CORIN: variants seen among roughly 807,000 people sequenced by gnomAD.
CORIN encodes the protein corin, serine peptidase, also known as atrial natriuretic peptide-converting enzyme.
CORIN carries 117 observed loss-of-function variants against 125.3 expected under a neutral mutation model. The observed-to-expected ratio is 0.93, with a 90% CI of 0.80 to 1.09. The LOEUF (loss-of-function observed/expected upper bound fraction) is 1.09. CORIN is among the 50% of genes least tolerant of loss of function. CORIN has a pLI of 0.00. For missense variants in CORIN, 1,253 were observed against 1,306.7 expected (o/e 0.96, Z 0.63); for synonymous variants, 450 against 466.4 (o/e 0.96, Z 0.45).
At chr4:47,815,138 C>T (rs538660924) in intron 1 of CORIN, among the ~76,000 whole-genome samples, 6 of 152,084 alleles carry the variant, frequency 3.9e-5, no homozygotes, top group Non-Finnish European at 7.4e-5. Context: ...TGAAAATCTA[C>T]GTAACCTTAT....
chr4:47,807,198 A>T, intron 1 of CORIN, 151 bp from the exon 2 acceptor site: 1 of 578,934 alleles, frequency 1.7e-6, no homozygotes. Flanking sequence ...TCAACAAATC[A>T]TGCCAATAAA....
intron 3 of CORIN, among the ~76,000 whole-genome samples, chr4:47,772,705 A>G (rs1391455974): frequency 1.3e-5 from 2 of 152,312 alleles, no homozygotes; most frequent in Middle Eastern, 3.4e-3. Flanking sequence ...TAACTGTGTA[A>G]TAGGTTTATT....
intron 9 of CORIN, among the ~76,000 whole-genome samples, chr4:47,676,645 A>G (rs1725032799): frequency 6.6e-6 from 1 of 152,136 alleles, no homozygotes; most frequent in Non-Finnish European, 1.5e-5. Flanking sequence ...CACAATATAC[A>G]TTTTTTGAGT....
At chr4:47,629,074 C>T (rs1560479624) in intron 16 of CORIN, among the ~76,000 whole-genome samples, 4 of 152,106 alleles carry the variant, frequency 2.6e-5, no homozygotes. Flanking sequence ...ATTGATGGAT[C>T]ATATGGTAGG....
chr4:47,769,962 T>C (rs867299109), intron 3 of CORIN, among the ~76,000 whole-genome samples: 1 of 152,162 alleles, frequency 6.6e-6, no homozygotes, highest in African/African-American at 2.4e-5. Flanking sequence ...GTTAATAATT[T>C]TTTGAATATG....
chr4:47,770,145 T>G (rs1729956556), intron 3 of CORIN, among the ~76,000 whole-genome samples: 1 of 152,050 alleles, frequency 6.6e-6, no homozygotes, highest in Non-Finnish European at 1.5e-5. Context: ...ACAAAAGGAA[T>G]TTTATTTAGT....
chr4:47,651,554 A>T (rs970109999), intron 13 of CORIN, among the ~76,000 whole-genome samples: 1 of 152,236 alleles, frequency 6.6e-6, no homozygotes, highest in African/African-American at 2.4e-5. Context: ...CGAAGTATGT[A>T]AAGTTTTCTA....
chr4:47,627,449 G>T (rs964688499), intron 16 of CORIN, among the ~76,000 whole-genome samples: 1 of 152,084 alleles, frequency 6.6e-6, no homozygotes, highest in Non-Finnish European at 1.5e-5. Context: ...CATAATGAAT[G>T]AATTATAAAC....
At chr4:47,747,507 T>C (rs916986719) in intron 4 of CORIN, among the ~76,000 whole-genome samples, 2 of 151,288 alleles carry the variant, frequency 1.3e-5, no homozygotes, top group Non-Finnish European at 2.9e-5. Context: ...TTTTATTTTA[T>C]TTTATTTCAT....
chr4:47,706,754 A>C lies in CORIN; in HGVS notation c.800-13671T>G, dbSNP rs192803005. The stretch of plus-strand genomic sequence containing the variant: ...CTGGGTTGGTGAAGATTCCACATAC[A>C]AATTTTTTGAGGTTATCCTCATTGA... On this transcript the variant is annotated intron_variant, in intron 5 of 21. Coordinates refer to ENST00000273857, the MANE Select transcript of CORIN (RefSeq NM_006587.4). 3 of 1,600,622 alleles carry C rather than the reference A, an allele frequency of 1.9e-6. No homozygotes were observed. In the African/African-American group the frequency reaches 4.0e-5, roughly 21 times the overall value.
intron 1 of CORIN, among the ~76,000 whole-genome samples, chr4:47,821,294 A>G (rs1732499858): frequency 6.6e-6 from 1 of 151,926 alleles, no homozygotes; most frequent in Non-Finnish European, 1.5e-5. Flanking sequence ...AATATGTTCA[A>G]TTTAACTACA....
intron 16 of CORIN, among the ~76,000 whole-genome samples, chr4:47,638,867 G>T (rs554869133): frequency 6.6e-6 from 1 of 152,170 alleles, no homozygotes; most frequent in Non-Finnish European, 1.5e-5. Flanking sequence ...AAAGCAAAAA[G>T]TTTTCAAATT....
chr4:47,678,778 A>G (rs971253828), intron 8 of CORIN, among the ~76,000 whole-genome samples: 3 of 152,112 alleles, frequency 2.0e-5, no homozygotes, highest in Admixed American at 2.0e-4. Flanking sequence ...TGAATTACTA[A>G]TATTATGACC....
At chr4:47,769,524 T>G (rs972975135) in intron 3 of CORIN, among the ~76,000 whole-genome samples, 3 of 151,498 alleles carry the variant, frequency 2.0e-5, no homozygotes, top group African/African-American at 7.3e-5. Flanking sequence ...ATACAAAAAA[T>G]CCTAGAATTC....
At chr4:47,669,352 G>T (rs1028995357) in intron 10 of CORIN, among the ~76,000 whole-genome samples, 2 of 151,976 alleles carry the variant, frequency 1.3e-5, no homozygotes, top group Non-Finnish European at 2.9e-5. Flanking sequence ...ATCTAGCTGC[G>T]TATATAATAA....
intron 2 of CORIN, among the ~76,000 whole-genome samples, chr4:47,791,418 AT>A (rs1206137347): frequency 6.6e-6 from 1 of 152,210 alleles, no homozygotes; most frequent in Non-Finnish European, 1.5e-5. Context: ...CTCTAAGATA[AT>A]AAATTTGTAC....
At chr4:47,793,654 G>A (rs1731171887) in intron 2 of CORIN, among the ~76,000 whole-genome samples, 1 of 152,166 alleles carries the variant, frequency 6.6e-6, no homozygotes, top group Non-Finnish European at 1.5e-5. Flanking sequence ...GACACAGAGA[G>A]AAACATAGGT....
chr4:47,661,554 A>T, intron 12 of CORIN, 157 bp downstream of exon 12: 1 of 593,676 alleles, frequency 1.7e-6, no homozygotes, highest in Non-Finnish European at 2.8e-6. Context: ...CAAATTCTTC[A>T]ATGCAATCAA....
chr4:47,803,168 T>C (rs140459750), intron 2 of CORIN, among the ~76,000 whole-genome samples: 2 of 152,166 alleles, frequency 1.3e-5, no homozygotes, highest in African/African-American at 2.4e-5. Flanking sequence ...GAAAGATCTT[T>C]ATAATGAAAA....
Sources: gnomAD v4.1 joint callset for allele counts (sites outside exome capture counted in the v4.1 genomes callset) on GRCh38, gnomAD v4.1.1 for gene constraint, MANE v1.5 for transcripts, NCBI Gene and HGNC (gene_info 2026-07-23, HGNC 2026-07-21) for gene names.